TPTE: variants seen among roughly 807,000 people sequenced by gnomAD.
The protein encoded by TPTE is putative tyrosine-protein phosphatase TPTE.
Under a neutral mutation model 84.1 loss-of-function variants are expected in TPTE, and 59 were observed. That is an observed-to-expected ratio of 0.70 (90% CI 0.57 to 0.87). TPTE has a LOEUF of 0.87. Ranked by LOEUF, TPTE falls within the 40% of genes least tolerant of loss-of-function variation. The pLI, the probability that TPTE is intolerant of heterozygous loss-of-function variation, is 0.00. For synonymous variants in TPTE, 130 were observed against 223.5 expected, an observed-to-expected ratio of 0.58 and a Z score of 3.73; for missense variants, 382 against 659.6, an observed-to-expected ratio of 0.58 and a Z score of 4.61.
chr21:10,531,754 C>G (rs2074182223), intron 3 of TPTE, among the ~76,000 whole-genome samples: 1 of 152,302 alleles, frequency 6.6e-6, no homozygotes, highest in Non-Finnish European at 1.5e-5. Flanking sequence ...TGAAATTTTC[C>G]CACTTTCAGT....
chr21:10,527,541 CAGA>C (rs1446517553), intron 3 of TPTE, 129 bp downstream of exon 3: 24 of 152,890 alleles, frequency 1.6e-4, no homozygotes, highest in African/African-American at 5.5e-4. Context: ...AAGATCAGGT[CAGA>C]AGAAGGATGC....
intron 3 of TPTE, among the ~76,000 whole-genome samples, chr21:10,533,240 C>G (rs2074209420): frequency 6.6e-6 from 1 of 152,310 alleles, no homozygotes. Flanking sequence ...ATTTATCCCT[C>G]AACAATTTAT....
chr21:10,543,302 T>C (rs757587769), intron 6 of TPTE, 27 bp from the exon 7 acceptor site: 25 of 1,612,290 alleles, frequency 1.6e-5, no homozygotes, highest in Non-Finnish European at 2.0e-5. Context: ...AAAGTGCTGC[T>C]GACTGTATTC....
chr21:10,567,375 C>T (rs2145695257), intron 10 of TPTE, among the ~76,000 whole-genome samples: 1 of 152,424 alleles, frequency 6.6e-6, no homozygotes. Flanking sequence ...ATAGATACCC[C>T]ATTGTCCACA....
intron 7 of TPTE, among the ~76,000 whole-genome samples, chr21:10,551,501 A>G (rs1486703382): frequency 4.5e-4 from 68 of 152,386 alleles, no homozygotes; most frequent in South Asian, 4.1e-4. Context: ...CAAATAAACC[A>G]CTGAACAATT....
intron 13 of TPTE, 49 bp downstream of exon 13, chr21:10,569,795 T>G (rs151304997): frequency 6.2e-7 from 1 of 1,600,862 alleles, no homozygotes; most frequent in South Asian, 1.1e-5. Context: ...CACTTTTTCT[T>G]GTAATTGTAT....
intron 17 of TPTE, among the ~76,000 whole-genome samples, chr21:10,583,774 C>T (rs1244289295): frequency 6.6e-6 from 1 of 152,310 alleles, no homozygotes; most frequent in Non-Finnish European, 1.5e-5. Context: ...GTATGGCTAT[C>T]CAGTTATTCC....
chr21:10,533,797 A>C lies in TPTE; in HGVS notation c.-43-4884A>C, dbSNP rs577024046. Among the ~76,000 whole-genome samples the C allele has an allele frequency of 2.6e-5, 4 of 152,422 alleles. No individual in the cohort carries two copies. In the South Asian group the frequency reaches 8.3e-4, roughly 32 times the overall value. ...AACTCCTCTGGGTTGTGAAAAGGAAAAGCTTTAGACAAGGTAAATTTAAGA... is the reference window on the plus strand; with the variant it reads ...AACTCCTCTGGGTTGTGAAAAGGAACAGCTTTAGACAAGGTAAATTTAAGA... On this transcript the variant is annotated intron_variant, in intron 3 of 23. Transcript: ENST00000618007.
At chr21:10,592,804 T>C (rs1409670235) in intron 19 of TPTE, among the ~76,000 whole-genome samples, 2 of 99,686 alleles carry the variant, frequency 2.0e-5, no homozygotes, top group African/African-American at 8.4e-5. Flanking sequence ...GGATGACTCC[T>C]GGTGTGTGTG....
At chr21:10,593,389 G>C (rs1411417454) in intron 19 of TPTE, among the ~76,000 whole-genome samples, 2 of 152,408 alleles carry the variant, frequency 1.3e-5, no homozygotes, top group East Asian at 3.9e-4. Flanking sequence ...TGAAAATTTA[G>C]TTTGTTTAAT....
At chr21:10,539,128 G>C (rs469955) in intron 4 of TPTE, among the ~76,000 whole-genome samples, 2 of 152,280 alleles carry the variant, frequency 1.3e-5, no homozygotes, top group Non-Finnish European at 2.9e-5. Context: ...GTAAGCAGCA[G>C]CTTAAAGGAC....
chr21:10,563,236 T>A (rs1311436908), intron 10 of TPTE, among the ~76,000 whole-genome samples: 1 of 152,308 alleles, frequency 6.6e-6, no homozygotes, highest in Non-Finnish European at 1.5e-5. Context: ...ACCAGACCTG[T>A]CCTAGAAGAA....
At chr21:10,548,043 G>A (rs756655158) in intron 7 of TPTE, among the ~76,000 whole-genome samples, 2,165 of 151,440 alleles carry the variant, frequency 0.014, no homozygotes, top group Middle Eastern at 0.021. Flanking sequence ...TGCTCCTGGC[G>A]TGCCCAGTAG....
chr21:10,562,090 C>CT (rs2074817549), intron 10 of TPTE, among the ~76,000 whole-genome samples: 1 of 152,306 alleles, frequency 6.6e-6, no homozygotes, highest in African/African-American at 2.4e-5. Flanking sequence ...ACAAGAGTCT[C>CT]TTTTTGGTAA....
chr21:10,600,719 C>T (rs1309894565), intron 21 of TPTE, among the ~76,000 whole-genome samples: 1 of 152,310 alleles, frequency 6.6e-6, no homozygotes, highest in African/African-American at 2.4e-5. Flanking sequence ...GTCTGCACCC[C>T]CTTTTGTGTT....
intron 3 of TPTE, among the ~76,000 whole-genome samples, chr21:10,534,950 A>T (rs557409123): frequency 6.6e-6 from 1 of 152,310 alleles, no homozygotes; most frequent in Non-Finnish European, 1.5e-5. Flanking sequence ...AAAGTATCAC[A>T]AACCAAGTGG....
At chr21:10,597,335 A>AGAAGTCT (rs2075606635) in intron 20 of TPTE, among the ~76,000 whole-genome samples, 4 of 152,312 alleles carry the variant, frequency 2.6e-5, no homozygotes, top group Admixed American at 2.6e-4. Context: ...CATTATGATT[A>AGAAGTCT]GAAGTCTGAA....
At chr21:10,585,810 G>A (rs2075353718) in intron 17 of TPTE, among the ~76,000 whole-genome samples, 1 of 152,296 alleles carries the variant, frequency 6.6e-6, no homozygotes, top group African/African-American at 2.4e-5. Context: ...TGCCCATTTT[G>A]GTAGATTATA....
At chr21:10,529,259 G>A (rs568688000) in intron 3 of TPTE, among the ~76,000 whole-genome samples, 51 of 152,378 alleles carry the variant, frequency 3.3e-4, no homozygotes, top group African/African-American at 1.1e-3. Flanking sequence ...TACTAAGCAT[G>A]TGTGATATCT....
Sources: gnomAD v4.1 joint callset for allele counts (sites outside exome capture counted in the v4.1 genomes callset) on GRCh38, gnomAD v4.1.1 for gene constraint, MANE v1.5 for transcripts, NCBI Gene and HGNC (gene_info 2026-07-23, HGNC 2026-07-21) for gene names.